Variants in SMAD1 observed in about 807,000 individuals in gnomAD.
SMAD1 encodes the protein MAD, mothers against decapentaplegic homolog 1.
SMAD1 carries 6 observed loss-of-function variants against 41.6 expected under a neutral mutation model. The ratio of observed to expected loss-of-function variants is 0.14; its 90% CI spans 0.08 to 0.28. SMAD1 has a LOEUF of 0.28. SMAD1 is among the 10% of genes least tolerant of loss of function. The probability of loss-of-function intolerance (pLI) is 1.00; values close to 1 mark genes in which losing one functional copy is unlikely to be tolerated. For synonymous variants in SMAD1, 206 were observed against 203.2 expected (o/e 1.01, Z -0.12); for missense variants, 379 against 582.6 (o/e 0.65, Z 3.60).
At chr4:145,535,984 C>CG (rs1208340484) in intron 2 of SMAD1, among the ~76,000 whole-genome samples, 4 of 113,086 alleles carry the variant, frequency 3.5e-5, no homozygotes, top group Non-Finnish European at 3.8e-5. Context: ...CTTAGTATAC[C>CG]AAAAAAAAAA....
chr4:145,558,965 A>G lies in SMAD1; in HGVS notation c.*1031A>G, dbSNP rs1173472061. Among the ~76,000 whole-genome samples, 1 of 152,198 alleles carries G rather than the reference A, an allele frequency of 6.6e-6. No individual in the cohort carries two copies. The highest frequency in any genetic ancestry group is 1.5e-5 in the Non-Finnish European group (1 of 68,038). ...TTTTGCCAAACTTAGTAACTCTGTTAAATATTTGGAGGATTTAAAGAACAT... is the reference window on the plus strand; with the variant it reads ...TTTTGCCAAACTTAGTAACTCTGTTGAATATTTGGAGGATTTAAAGAACAT... On this transcript the variant is annotated 3_prime_UTR_variant, in exon 7 of 7. Coordinates refer to ENST00000302085, the MANE Select transcript of SMAD1 (RefSeq NM_005900.3).
At position 145,546,944 on chromosome 4, in the gene SMAD1, T is replaced by A; in HGVS notation, c.997+20T>A. 6.4e-7 allele frequency: 1 copy of A among 1,569,228 alleles called. No homozygotes were observed. Among genetic ancestry groups the A allele is most frequent in the Non-Finnish European group, 8.8e-7 (1 of 1,139,268 alleles). On this transcript the variant is annotated intron_variant, in intron 5 of 6. Transcript: ENST00000302085. ...GAAAAGGTGAGTTTTTGCTTTAACC[T>A]CTTTCAGATGTTTATCTGTTGTGTC...
At chr4:145,524,576 A>G (rs551809200) in intron 2 of SMAD1, among the ~76,000 whole-genome samples, 10 of 152,362 alleles carry the variant, frequency 6.6e-5, no homozygotes, top group African/African-American at 2.2e-4. Context: ...TCTATAGATC[A>G]TACAAAGTAC....
chr4:145,512,942 G>A (rs910658809), intron 1 of SMAD1, among the ~76,000 whole-genome samples: 9 of 152,136 alleles, frequency 5.9e-5, no homozygotes, highest in South Asian at 4.1e-4. Flanking sequence ...AGACTGATCC[G>A]TTTCATTTTT....
At chr4:145,520,721 T>C (rs1040161865) in intron 2 of SMAD1, among the ~76,000 whole-genome samples, 1 of 152,226 alleles carries the variant, frequency 6.6e-6, no homozygotes, top group African/African-American at 2.4e-5. Context: ...GCTTTTGTTA[T>C]TCGGCTCAGT....
chr4:145,510,221 A>G (rs1400662814), intron 1 of SMAD1, among the ~76,000 whole-genome samples: 3 of 152,116 alleles, frequency 2.0e-5, no homozygotes, highest in Non-Finnish European at 2.9e-5. Flanking sequence ...CAATTTTATT[A>G]GTATTTTCAA....
At chr4:145,489,483 A>T (rs995573637) in intron 1 of SMAD1, among the ~76,000 whole-genome samples, 3 of 123,776 alleles carry the variant, frequency 2.4e-5, no homozygotes, top group African/African-American at 1.2e-4. Context: ...ATAAATAAAT[A>T]AAATAAAACA....
At chr4:145,507,714 G>A (rs1729867396) in intron 1 of SMAD1, among the ~76,000 whole-genome samples, 1 of 151,618 alleles carries the variant, frequency 6.6e-6, no homozygotes, top group Admixed American at 6.6e-5. Context: ...ATTTGGACAA[G>A]AGGGAAGGAA....
chr4:145,497,563 A>T (rs1729157588), intron 1 of SMAD1: 1 of 152,254 alleles, frequency 6.6e-6, no homozygotes, highest in Non-Finnish European at 1.5e-5. Context: ...ATTAATGGAA[A>T]CGAAAGCCTT....
At chr4:145,501,784 A>G (rs949359663) in intron 1 of SMAD1, among the ~76,000 whole-genome samples, 5 of 151,428 alleles carry the variant, frequency 3.3e-5, no homozygotes, top group African/African-American at 9.7e-5. Context: ...TAAAATATAG[A>G]TATACTACTT....
intron 5 of SMAD1, among the ~76,000 whole-genome samples, chr4:145,549,820 CT>C (rs376426166): frequency 7.9e-5 from 12 of 152,102 alleles, no homozygotes; most frequent in African/African-American, 2.9e-4. Context: ...GGAAAAAACT[CT>C]TGACTGTAAA....
rs1184656555 is a variant in SMAD1 at position 145,558,644 on chromosome 4, T to G, written c.*710T>G. 6.6e-6 allele frequency among the ~76,000 whole-genome samples: 1 copy of G among 152,168 alleles called. No homozygotes were observed. Among genetic ancestry groups the G allele is most frequent in the African/African-American group, 2.4e-5 (1 of 41,432 alleles). ...TGACAACTGCAAATGTAGACTATAC[T>G]GTAAAAATTCAGTTTGTTGCTTTAA... On this transcript the variant is annotated 3_prime_UTR_variant, in exon 7 of 7. Coordinates refer to ENST00000302085, the MANE Select transcript of SMAD1 (RefSeq NM_005900.3).
intron 1 of SMAD1, chr4:145,497,617 G>A (rs570069017): frequency 6.6e-6 from 1 of 152,312 alleles, no homozygotes; most frequent in East Asian, 1.9e-4. Context: ...GGGTTCTGAA[G>A]TCTTCTGAGA....
chr4:145,539,723 TTATG>T, intron 2 of SMAD1, 77 bp from the exon 3 acceptor site: 1 of 1,384,836 alleles, frequency 7.2e-7, no homozygotes, highest in Non-Finnish European at 1.0e-6. Context: ...TGTTTACAGA[TTATG>T]TTTTACTTTA....
intron 3 of SMAD1, among the ~76,000 whole-genome samples, chr4:145,541,019 G>T (rs866469947): frequency 7.9e-5 from 12 of 151,870 alleles, no homozygotes; most frequent in African/African-American, 2.9e-4. Flanking sequence ...GTTTTGTCCG[G>T]TTTTCAGTCC....
chr4:145,546,675 G>T, intron 4 of SMAD1, 28 bp from the exon 5 acceptor site: 1 of 1,542,736 alleles, frequency 6.5e-7, no homozygotes, highest in South Asian at 1.1e-5. Flanking sequence ...CACTAACCTT[G>T]GTTGATATAA....
At chr4:145,490,035 AAG>A (rs1728691555) in intron 1 of SMAD1, among the ~76,000 whole-genome samples, 1 of 152,190 alleles carries the variant, frequency 6.6e-6, no homozygotes, top group Non-Finnish European at 1.5e-5. Context: ...GGTGAAGGAG[AAG>A]AAGTCAGATA....
intron 2 of SMAD1, among the ~76,000 whole-genome samples, chr4:145,534,691 G>T (rs541469518): frequency 1.3e-5 from 2 of 152,306 alleles, no homozygotes; most frequent in East Asian, 1.9e-4. Context: ...TGGTGTTGGG[G>T]TTAACTGGCT....
chr4:145,543,280 T>A (rs987912954), intron 4 of SMAD1, among the ~76,000 whole-genome samples: 1 of 152,192 alleles, frequency 6.6e-6, no homozygotes, highest in African/African-American at 2.4e-5. Context: ...AAGAGTATTT[T>A]TAAATGAACA....
Sources: allele counts gnomAD v4.1 joint callset (sites outside exome capture counted in the v4.1 genomes callset), GRCh38; gene constraint gnomAD v4.1.1; transcripts MANE v1.5; gene names NCBI Gene and HGNC (gene_info 2026-07-23, HGNC 2026-07-21).